SPAG6: variants seen among roughly 807,000 people sequenced by gnomAD.
SPAG6 encodes the protein sperm-associated antigen 6.
Under a neutral mutation model 58.5 loss-of-function variants are expected in SPAG6, and 49 were observed. The observed-to-expected ratio is 0.84, with a 90% CI of 0.67 to 1.06. The LOEUF is 1.06. Ranked by LOEUF, SPAG6 falls within the 50% of genes least tolerant of loss-of-function variation. The pLI, the probability that SPAG6 is intolerant of heterozygous loss-of-function variation, is 0.00. For missense variants in SPAG6, 560 were observed against 611.3 expected, an observed-to-expected ratio of 0.92 and a Z score of 0.89; for synonymous variants, 233 against 225.6, an observed-to-expected ratio of 1.03 and a Z score of -0.29.
chr10:22,412,300 A>G (rs1459090319), intron 10 of SPAG6: 5 of 557,264 alleles, frequency 9.0e-6, no homozygotes, highest in Middle Eastern at 4.7e-4. Context: ...ATGCTGTAAC[A>G]TATACTTACG....
intron 9 of SPAG6, among the ~76,000 whole-genome samples, chr10:22,407,829 G>C (rs1193556609): frequency 1.3e-5 from 2 of 151,836 alleles, no homozygotes; most frequent in Non-Finnish European, 2.9e-5. Context: ...TGGAGGCTTT[G>C]CTCATTTCTT....
At chr10:22,361,972 T>G (rs1355049621) in intron 2 of SPAG6, among the ~76,000 whole-genome samples, 1 of 148,014 alleles carries the variant, frequency 6.8e-6, no homozygotes, top group Admixed American at 6.8e-5. Flanking sequence ...ACATAATATA[T>G]CAAGTGGGCA....
Position 22,345,787 on chromosome 10 carries a change from AC to A in SPAG6, c.94del (p.Gln32LysfsTer11), listed in dbSNP as rs777218915. 6.2e-7 allele frequency: 1 copy of A among 1,613,480 alleles called. No homozygotes were observed. Among genetic ancestry groups the A allele is most frequent in the South Asian group, 1.1e-5 (1 of 91,026 alleles). ...AGATGGTGGCGGAGCTGGCGACTAG[AC>A]CCCAAAACATCGAGACGCTGCAGAA... Reference protein sequence around the residue: ...VQMVAELATRPQNIETLQNAG... With the variant: ...VQMVAELATRXQNIETLQNAG... On this transcript the variant is annotated frameshift_variant, in exon 2 of 11. Transcript: ENST00000376624. LOFTEE classifies it high-confidence loss of function. The surrounding 1 kb of genome is among the most constrained non-coding windows in gnomAD (Gnocchi z 6.3).
intron 2 of SPAG6, among the ~76,000 whole-genome samples, chr10:22,352,837 GTATAATA>G (rs1306900397): frequency 6.6e-6 from 1 of 152,112 alleles, no homozygotes; most frequent in African/African-American, 2.4e-5. Context: ...CATGGTATAG[GTATAATA>G]TATAATATAT....
At chr10:22,387,467 T>C (rs1028292877) in intron 5 of SPAG6, among the ~76,000 whole-genome samples, 2 of 152,202 alleles carry the variant, frequency 1.3e-5, no homozygotes, top group African/African-American at 4.8e-5. Context: ...GTCAAAGATA[T>C]TGTTCTGCTT....
chr10:22,386,822 A>G lies in SPAG6; in HGVS notation c.541A>G (p.Ile181Val). 1.2e-6 allele frequency: 2 copies of G among 1,613,638 alleles called. No homozygotes were observed. The highest frequency in any genetic ancestry group is 1.1e-5 in the South Asian group (1 of 91,074). Reference sequence around the variant, plus strand: ...AGTACTCTGTATCCAGGAGCCAGAAATTGCTTTGAAAAGGATTGCTGCTTC... The same window carrying G: ...AGTACTCTGTATCCAGGAGCCAGAAGTTGCTTTGAAAAGGATTGCTGCTTC... ...LLVLCIQEPEIALKRIAASAL... is the reference protein window; with the variant it reads ...LLVLCIQEPEVALKRIAASAL... The change falls in exon 5 of 11, where the codon ATT becomes GTT. Residue 181 changes from isoleucine (I) to valine (V), a missense_variant. Ile to Val is a conservative substitution (Grantham distance 29). Coordinates refer to ENST00000376624, the MANE Select transcript of SPAG6 (RefSeq NM_012443.4).
chr10:22,398,387 T>A (rs978581734), intron 8 of SPAG6, among the ~76,000 whole-genome samples: 1 of 151,338 alleles, frequency 6.6e-6, no homozygotes, highest in South Asian at 2.1e-4. Flanking sequence ...TAAAAATTGA[T>A]AAATTATATT....
chr10:22,345,718 C>G lies in SPAG6; in HGVS notation c.26-5C>G. 6.2e-7 allele frequency: 1 copy of G among 1,610,102 alleles called. No individual in the cohort carries two copies. The highest frequency in any genetic ancestry group is 8.5e-7 in the Non-Finnish European group (1 of 1,178,336). ...GGTGGGCTCCACCGACTCTCTCTCCCGCAGTGTTCGAGCAATACCAGAAGG... is the reference window on the plus strand; with the variant it reads ...GGTGGGCTCCACCGACTCTCTCTCCGGCAGTGTTCGAGCAATACCAGAAGG... On this transcript the variant is annotated splice_region_variant and splice_polypyrimidine_tract_variant and intron_variant, in intron 1 of 10. Coordinates refer to ENST00000376624, the MANE Select transcript of SPAG6 (RefSeq NM_012443.4). The surrounding 1 kb of genome is among the most constrained non-coding windows in gnomAD (Gnocchi z 6.3).
At chr10:22,373,579 G>A (rs1396269768) in intron 4 of SPAG6, among the ~76,000 whole-genome samples, 2 of 152,140 alleles carry the variant, frequency 1.3e-5, no homozygotes, top group African/African-American at 2.4e-5. Context: ...ACTTTGAATG[G>A]TTTTTCTTAG....
At chr10:22,413,448 G>T (rs1834792991) in intron 10 of SPAG6, among the ~76,000 whole-genome samples, 1 of 152,022 alleles carries the variant, frequency 6.6e-6, no homozygotes, top group African/African-American at 2.4e-5. Context: ...CAGGAGAATG[G>T]CGTGAACCTG....
At chr10:22,409,615 G>A (rs1269647150) in intron 9 of SPAG6, among the ~76,000 whole-genome samples, 1 of 152,126 alleles carries the variant, frequency 6.6e-6, no homozygotes, top group Non-Finnish European at 1.5e-5. Flanking sequence ...TTCAGATAGG[G>A]CTTCAATGGA....
chr10:22,355,495 T>C (rs1490599803), intron 2 of SPAG6, among the ~76,000 whole-genome samples: 2 of 152,216 alleles, frequency 1.3e-5, no homozygotes, highest in Non-Finnish European at 2.9e-5. Context: ...CTATAGCTAA[T>C]GAGAATAAAT....
intron 2 of SPAG6, among the ~76,000 whole-genome samples, chr10:22,347,130 A>G (rs1022563135): frequency 1.3e-5 from 2 of 152,186 alleles, no homozygotes; most frequent in African/African-American, 2.4e-5. Flanking sequence ...CATTGTCACA[A>G]GGATCCTCTC....
intron 4 of SPAG6, among the ~76,000 whole-genome samples, chr10:22,373,449 A>T (rs964993343): frequency 7.2e-5 from 11 of 152,358 alleles, no homozygotes; most frequent in Admixed American, 1.3e-4. Flanking sequence ...GTAATTAATT[A>T]AAAAATCTCA....
intron 9 of SPAG6, among the ~76,000 whole-genome samples, chr10:22,405,381 T>C (rs550947021): frequency 1.4e-4 from 21 of 152,194 alleles, no homozygotes; most frequent in Admixed American, 9.8e-4. Context: ...CTTTTCTGCA[T>C]CTATTGAGAT....
rs565828859 is a variant in SPAG6 at position 22,368,750 on chromosome 10, T to C, written c.472+72T>C. The C allele has an allele frequency of 3.2e-6, 4 of 1,240,712 alleles. No individual in the cohort carries two copies. In the African/African-American group the frequency reaches 6.0e-5, roughly 19 times the overall value. The allele number at this position is 1,240,712 out of a possible 1,614,324, so 76.9% of individuals were successfully genotyped here. A position where few individuals can be genotyped will look rare whatever the true frequency, so the allele number is the denominator to read the frequency against. On this transcript the variant is annotated intron_variant, in intron 4 of 10. Coordinates refer to ENST00000376624, the MANE Select transcript of SPAG6 (RefSeq NM_012443.4). ...ATTCAGATTTATTAGGTAAATCCAG[T>C]TTTGCTTAGTAAAACATAGGTGGGG...
intron 4 of SPAG6, 22 bp downstream of exon 4, chr10:22,368,700 C>G (rs760501045): frequency 1.3e-6 from 2 of 1,565,908 alleles, no homozygotes; most frequent in Non-Finnish European, 1.7e-6. Context: ...TATGCAGGAG[C>G]ATATTTTAAA....
chr10:22,383,728 T>C (rs1321172871), intron 4 of SPAG6, among the ~76,000 whole-genome samples: 1 of 152,214 alleles, frequency 6.6e-6, no homozygotes, highest in Non-Finnish European at 1.5e-5. Flanking sequence ...GATACTTCTG[T>C]ATACATTTTC....
intron 4 of SPAG6, among the ~76,000 whole-genome samples, chr10:22,368,955 T>A: frequency 6.6e-6 from 1 of 151,762 alleles, no homozygotes; most frequent in East Asian, 1.9e-4. Context: ...TAGGCTTGAG[T>A]CTCAAAGGCC....
Sources: allele counts gnomAD v4.1 joint callset (sites outside exome capture counted in the v4.1 genomes callset), GRCh38; gene constraint gnomAD v4.1.1; non-coding constraint Gnocchi (gnomAD v3.1); transcripts MANE v1.5; gene names NCBI Gene and HGNC (gene_info 2026-07-23, HGNC 2026-07-21).